The following DTNA variants were observed in gnomAD, a reference collection of about 807,000 sequenced individuals.
DTNA encodes the protein dystrobrevin alpha.
Under a neutral mutation model 100.7 loss-of-function variants are expected in DTNA, and 43 were observed. That is an observed-to-expected ratio of 0.43 (90% CI 0.33 to 0.55). The LOEUF is 0.55. DTNA is among the 20% of genes least tolerant of loss of function. DTNA has a pLI of 0.04. For synonymous variants in DTNA, 349 were observed against 347.9 expected (o/e 1.00, Z -0.04); for missense variants, 798 against 953.9 (o/e 0.84, Z 2.15).
At chr18:34,500,764 A>G (rs545397876) in intron 1 of DTNA, among the ~76,000 whole-genome samples, 1 of 152,106 alleles carries the variant, frequency 6.6e-6, no homozygotes, top group East Asian at 1.9e-4. Flanking sequence ...ACGCCCGGCC[A>G]GTTCTATATT....
In DTNA at chr18:34,889,923, T is replaced by C; in HGVS notation, c.*2189T>C. On this transcript the variant is annotated 3_prime_UTR_variant, in exon 23 of 23. Transcript: ENST00000444659. ...TGCCCATCCTCTGTGAACCCATACC[T>C]CTCTAGATGGAGCAGGTGGCCACTG... 9.6e-7 allele frequency: 1 copy of C among 1,038,134 alleles called. No individual in the cohort carries two copies. Among genetic ancestry groups the C allele is most frequent in the South Asian group, 3.9e-5 (1 of 25,598 alleles). 64.3% of individuals were successfully genotyped at this position (1,038,134 alleles called of 1,614,324 possible).
intron 3 of DTNA, among the ~76,000 whole-genome samples, chr18:34,773,777 A>G (rs960805591): frequency 2.0e-5 from 3 of 152,208 alleles, no homozygotes; most frequent in African/African-American, 7.2e-5. Context: ...ATTTCCCCTT[A>G]ATCAGAGTAA....
At chr18:34,584,200 C>T (rs1460301875) in intron 1 of DTNA, among the ~76,000 whole-genome samples, 1 of 152,046 alleles carries the variant, frequency 6.6e-6, no homozygotes, top group African/African-American at 2.4e-5. Flanking sequence ...TCAGCTTTGT[C>T]TAATGGTTTT....
At chr18:34,755,542 C>T (rs541189519) in intron 1 of DTNA, 12 of 211,454 alleles carry the variant, frequency 5.7e-5, no homozygotes, top group Non-Finnish European at 1.0e-4. Context: ...AGAATCCAAA[C>T]GTCTGCATCC....
intron 1 of DTNA, among the ~76,000 whole-genome samples, chr18:34,604,205 T>A (rs1410521442): frequency 1.3e-5 from 2 of 152,182 alleles, no homozygotes; most frequent in Non-Finnish European, 2.9e-5. Flanking sequence ...ACTTGTCCAC[T>A]CTGAGAAGAT....
chr18:34,693,094 C>T (rs956401432), intron 1 of DTNA, among the ~76,000 whole-genome samples: 4 of 151,952 alleles, frequency 2.6e-5, no homozygotes, highest in African/African-American at 4.8e-5. Context: ...AATCAGCATC[C>T]GTAGAGAAGG....
intron 1 of DTNA, among the ~76,000 whole-genome samples, chr18:34,596,900 C>T (rs2050729607): frequency 1.3e-5 from 2 of 152,126 alleles, no homozygotes; most frequent in South Asian, 2.1e-4. Flanking sequence ...ATGTGCAGAA[C>T]GTGCAGGTTT....
In DTNA at chr18:34,860,220, GTTTTTTTT is replaced by G. The variant is rs55673388; in HGVS notation, c.1646+1844_1646+1851del. Among the ~76,000 whole-genome samples, 145 of 80,284 alleles carry G rather than the reference GTTTTTTTT, an allele frequency of 1.8e-3. 2 individuals are homozygous for G. Among genetic ancestry groups the G allele is most frequent in the African/African-American group, 5.8e-3 (124 of 21,240 alleles). 52.7% of individuals were successfully genotyped at this position (80,284 alleles called of 152,430 possible). ...TGCCACCACGCCCGGCTAATTTTTT[GTTTTTTTT>G]TTTTTTTTTTTTTTTTTTTTTGGAG... On this transcript the variant is annotated intron_variant, in intron 16 of 22. Coordinates refer to ENST00000444659, the MANE Select transcript of DTNA (RefSeq NM_001386795.1).
At chr18:34,838,925 CTGGATGCCAG>C (rs2096212266) in intron 13 of DTNA, 88 bp downstream of exon 13, 3 of 1,148,368 alleles carry the variant, frequency 2.6e-6, no homozygotes, top group Non-Finnish European at 2.6e-6. Context: ...AGCAAGGTCA[CTGGATGCCAG>C]TGGTGACACT....
At position 34,875,236 on chromosome 18, in the gene DTNA, C is replaced by T. The variant is rs777026040; in HGVS notation, c.1744-3C>T. ...AAATTAATGACCTGCATTGTCTCTC[C>T]AGACTCAGGGGGCAGGCTCTCCCCG... On this transcript the variant is annotated splice_polypyrimidine_tract_variant and splice_region_variant and intron_variant, in intron 17 of 22. Coordinates refer to ENST00000444659, the MANE Select transcript of DTNA (RefSeq NM_001386795.1). 1 of 1,613,780 alleles carries T rather than the reference C, an allele frequency of 6.2e-7. No homozygotes were observed. The highest frequency in any genetic ancestry group is 8.5e-7 in the Non-Finnish European group (1 of 1,179,794).
At chr18:34,591,944 T>G (rs2049775749) in intron 1 of DTNA, among the ~76,000 whole-genome samples, 3 of 152,192 alleles carry the variant, frequency 2.0e-5, no homozygotes, top group Non-Finnish European at 4.4e-5. Flanking sequence ...GGTATTGCCC[T>G]AGATATGATA....
rs11876864 is a variant in DTNA at position 34,605,890 on chromosome 18, A to G, written c.-2+112376A>G. Among the ~76,000 whole-genome samples the G allele has an allele frequency of 3.1e-3, 474 of 152,276 alleles. 3 individuals carry two copies. Among genetic ancestry groups the G allele is most frequent in the African/African-American group, 0.011 (451 of 41,562 alleles). On this transcript the variant is annotated intron_variant, in intron 1 of 19. Coordinates refer to the DTNA transcript ENST00000283365. ...ATTGCCTTCACATGGTTAAATTCCA[A>G]CTACTACCCAAAATCTCTCATTGAT...
intron 1 of DTNA, among the ~76,000 whole-genome samples, chr18:34,682,093 C>A (rs1197988773): frequency 1.3e-5 from 2 of 152,132 alleles, no homozygotes; most frequent in Admixed American, 1.3e-4. Flanking sequence ...CAGTAATATG[C>A]ATTTAAGTCT....
At chr18:34,529,395 G>T (rs927365079) in intron 1 of DTNA, among the ~76,000 whole-genome samples, 1 of 151,972 alleles carries the variant, frequency 6.6e-6, no homozygotes. Context: ...ACAGTATAAT[G>T]GTAGAAGAGT....
At chr18:34,552,848 G>A (rs1317447955) in intron 1 of DTNA, among the ~76,000 whole-genome samples, 1 of 144,784 alleles carries the variant, frequency 6.9e-6, no homozygotes. Context: ...ACGTGTGCAT[G>A]TGTCTTTATA....
chr18:34,555,719 G>T (rs1016885908), intron 1 of DTNA, among the ~76,000 whole-genome samples: 7 of 152,150 alleles, frequency 4.6e-5, no homozygotes, highest in South Asian at 2.1e-4. Flanking sequence ...GTTCTAGTTT[G>T]ATTGCACTGT....
intron 1 of DTNA, among the ~76,000 whole-genome samples, chr18:34,689,340 T>G (rs1333972412): frequency 2.0e-5 from 3 of 151,484 alleles, no homozygotes; most frequent in Non-Finnish European, 2.9e-5. Flanking sequence ...GGTCATTTTT[T>G]TGTTGTTGTT....
chr18:34,840,598 T>TGTCACTTGAGTAGGGAAAA (rs2096250033), intron 13 of DTNA, among the ~76,000 whole-genome samples: 2 of 152,164 alleles, frequency 1.3e-5, no homozygotes, highest in African/African-American at 4.8e-5. Context: ...ACCAGCCATT[T>TGTCACTTGAGTAGGGAAAA]TCCCTACTCA....
At chr18:34,764,177 G>A (rs1278733166) in intron 2 of DTNA, among the ~76,000 whole-genome samples, 1 of 152,070 alleles carries the variant, frequency 6.6e-6, no homozygotes, top group East Asian at 1.9e-4. Flanking sequence ...CTCTTAAGGG[G>A]CCCATTTACT....
Sources: allele counts gnomAD v4.1 joint callset (sites outside exome capture counted in the v4.1 genomes callset), GRCh38; gene constraint gnomAD v4.1.1; transcripts MANE v1.5; gene names NCBI Gene and HGNC (gene_info 2026-07-23, HGNC 2026-07-21).